Variants in FOXO3 observed in about 807,000 individuals in gnomAD.
FOXO3 encodes forkhead box protein O3.
In FOXO3, 4 loss-of-function variants were observed where a neutral mutation model predicts 41.9. That is an observed-to-expected ratio of 0.10 (90% CI 0.05 to 0.22). The LOEUF (loss-of-function observed/expected upper bound fraction) is 0.22, where lower values mean the gene tolerates loss of function less well. Ranked by LOEUF, FOXO3 falls within the 10% of genes least tolerant of loss-of-function variation. FOXO3 has a pLI of 1.00. For synonymous variants in FOXO3, 318 were observed against 389.3 expected, an observed-to-expected ratio of 0.82 and a Z score of 2.16; for missense variants, 534 against 906.8, an observed-to-expected ratio of 0.59 and a Z score of 5.28.
At chr6:108,610,388 A>G (rs999852916) in intron 1 of FOXO3, among the ~76,000 whole-genome samples, 3 of 152,216 alleles carry the variant, frequency 2.0e-5, no homozygotes, top group Non-Finnish European at 4.4e-5. Context: ...GAAACTCAAT[A>G]GAATTAAAAG....
At chr6:108,581,052 C>G (rs1397646483) in intron 1 of FOXO3, among the ~76,000 whole-genome samples, 1 of 152,244 alleles carries the variant, frequency 6.6e-6, no homozygotes, top group Non-Finnish European at 1.5e-5. Context: ...ATTGCTTTCT[C>G]TCCCTGCCCC....
intron 1 of FOXO3, among the ~76,000 whole-genome samples, chr6:108,633,922 C>G (rs555027240): frequency 6.6e-6 from 1 of 152,158 alleles, no homozygotes; most frequent in African/African-American, 2.4e-5. Context: ...GCTCAGTTAC[C>G]CAGATTTATA....
rs762529857 is a variant in FOXO3, at chr6:108,561,842, C to T, written c.621+13C>T. The T allele has an allele frequency of 1.3e-6, 2 of 1,525,418 alleles. No individual in the cohort carries two copies. The highest frequency in any genetic ancestry group is 2.1e-5 in the Admixed American group (1 of 48,174). 94.5% of individuals were successfully genotyped at this position (1,525,418 alleles called of 1,614,324 possible). On this transcript the variant is annotated intron_variant, in intron 1 of 2. Coordinates refer to ENST00000406360, the MANE Select transcript of FOXO3 (RefSeq NM_001455.4). ...TGCCGGCTGGAAGGTGCGTACCCACCCCGGGCTGGCAGCAGGACCCGCCGG... is the reference window on the plus strand; with the variant it reads ...TGCCGGCTGGAAGGTGCGTACCCACTCCGGGCTGGCAGCAGGACCCGCCGG...
chr6:108,563,494 G>A (rs1294692694), intron 1 of FOXO3, among the ~76,000 whole-genome samples: 1 of 152,196 alleles, frequency 6.6e-6, no homozygotes, highest in Non-Finnish European at 1.5e-5. Flanking sequence ...AAGTGGATGG[G>A]AAGGGTTAAT....
At chr6:108,603,797 G>C (rs1337165674) in intron 1 of FOXO3, among the ~76,000 whole-genome samples, 2 of 152,116 alleles carry the variant, frequency 1.3e-5, no homozygotes, top group Non-Finnish European at 2.9e-5. Flanking sequence ...GAGGGCAGTA[G>C]AAGGCCCTGA....
intron 1 of FOXO3, among the ~76,000 whole-genome samples, chr6:108,582,162 C>G (rs1776438499): frequency 6.6e-6 from 1 of 152,214 alleles, no homozygotes; most frequent in Non-Finnish European, 1.5e-5. Context: ...TTGGCCCTTT[C>G]TTCACTGGCT....
intron 2 of FOXO3, among the ~76,000 whole-genome samples, chr6:108,674,139 G>A (rs561058929): frequency 6.6e-6 from 1 of 152,174 alleles, no homozygotes; most frequent in Admixed American, 6.5e-5. Context: ...TTCACATAAA[G>A]TACTGCAAAT....
At chr6:108,626,354 A>G (rs1777814030) in intron 1 of FOXO3, among the ~76,000 whole-genome samples, 7 of 152,174 alleles carry the variant, frequency 4.6e-5, no homozygotes, top group Admixed American at 3.9e-4. Context: ...CCAGATACCT[A>G]TGACACCCTT....
At chr6:108,669,784 C>G (rs916008896) in intron 2 of FOXO3, among the ~76,000 whole-genome samples, 2 of 152,148 alleles carry the variant, frequency 1.3e-5, no homozygotes, top group African/African-American at 2.4e-5. Flanking sequence ...CTTCCTGGGC[C>G]TGTTGGTTTT....
At chr6:108,646,395 C>T (rs913895726) in intron 1 of FOXO3, among the ~76,000 whole-genome samples, 1 of 152,200 alleles carries the variant, frequency 6.6e-6, no homozygotes, top group African/African-American at 2.4e-5. Flanking sequence ...AGGTTGTGTG[C>T]AGTATCAACA....
chr6:108,679,029 G>A (rs967676102), intron 2 of FOXO3, among the ~76,000 whole-genome samples: 1 of 151,638 alleles, frequency 6.6e-6, no homozygotes, highest in East Asian at 1.9e-4. Flanking sequence ...CCGCCACCGC[G>A]CCCGGCTAAT....
upstream of FOXO3, among the ~76,000 whole-genome samples, chr6:108,560,678 G>A (rs1775748273): frequency 6.6e-6 from 1 of 152,002 alleles, no homozygotes; most frequent in South Asian, 2.1e-4. Flanking sequence ...GGGCCCGAGC[G>A]AAACATAAAC....
At chr6:108,624,727 G>A (rs1049133733) in intron 1 of FOXO3, among the ~76,000 whole-genome samples, 2 of 152,078 alleles carry the variant, frequency 1.3e-5, no homozygotes, top group Non-Finnish European at 2.9e-5. Context: ...AATTACAAGT[G>A]CATTCTTAAC....
At chr6:108,653,670 A>G (rs1778608605) in intron 1 of FOXO3, among the ~76,000 whole-genome samples, 1 of 152,186 alleles carries the variant, frequency 6.6e-6, no homozygotes, top group Non-Finnish European at 1.5e-5. Context: ...ATATGTCATG[A>G]AAGTGATGCT....
intron 1 of FOXO3, among the ~76,000 whole-genome samples, chr6:108,637,931 C>T (rs1229109165): frequency 6.6e-6 from 1 of 151,834 alleles, no homozygotes; most frequent in East Asian, 1.9e-4. Context: ...TACATATATT[C>T]AATGTTAAAT....
At chr6:108,612,061 T>A (rs1202672061) in intron 1 of FOXO3, among the ~76,000 whole-genome samples, 1 of 152,188 alleles carries the variant, frequency 6.6e-6, no homozygotes, top group Non-Finnish European at 1.5e-5. Flanking sequence ...TCAGGTAGTA[T>A]AACTCTTCCA....
chr6:108,633,730 G>T (rs185268619), intron 1 of FOXO3, among the ~76,000 whole-genome samples: 4 of 151,942 alleles, frequency 2.6e-5, no homozygotes, highest in African/African-American at 7.2e-5. Flanking sequence ...CTCTTTTTTG[G>T]TTCCCTGTTA....
intron 1 of FOXO3, among the ~76,000 whole-genome samples, chr6:108,637,895 TTAA>T (rs1778160031): frequency 6.6e-6 from 1 of 152,184 alleles, no homozygotes; most frequent in Non-Finnish European, 1.5e-5. Flanking sequence ...CTCAGGAGTA[TTAA>T]TGACAGTTTA....
At chr6:108,674,470 T>C (rs1770499248) in intron 2 of FOXO3, among the ~76,000 whole-genome samples, 1 of 152,196 alleles carries the variant, frequency 6.6e-6, no homozygotes, top group Admixed American at 6.5e-5. Flanking sequence ...AGTGTTTGAT[T>C]TGATTTGAAG....
Sources: allele counts gnomAD v4.1 joint callset (sites outside exome capture counted in the v4.1 genomes callset), GRCh38; gene constraint gnomAD v4.1.1; transcripts MANE v1.5; gene names NCBI Gene and HGNC (gene_info 2026-07-23, HGNC 2026-07-21).